The following UMAD1 variants were observed in gnomAD, a reference collection of about 807,000 sequenced individuals.
UMAD1 encodes UBAP1-MVB12-associated (UMA) domain containing 1.
UMAD1 carries 8 observed loss-of-function variants against 6.1 expected under a neutral mutation model. The ratio of observed to expected loss-of-function variants is 1.30; its 90% confidence interval spans 0.76 to 2.35. UMAD1 has a LOEUF of 2.35. UMAD1 is among the 30% of genes most tolerant of loss of function. The probability of loss-of-function intolerance (pLI) is 0.00; values close to 1 mark genes in which losing one functional copy is unlikely to be tolerated. For missense variants in UMAD1, 130 were observed against 78.4 expected, an observed-to-expected ratio of 1.66 and a Z score of -2.49; for synonymous variants, 56 against 31.4, an observed-to-expected ratio of 1.78 and a Z score of -2.61.
chr7:7,756,155 A>G (rs879821858), intron 2 of UMAD1, among the ~76,000 whole-genome samples: 8 of 152,170 alleles, frequency 5.3e-5, no homozygotes, highest in Non-Finnish European at 1.2e-4. Flanking sequence ...CAAAGGGTAA[A>G]GACGGTTGTT....
chr7:7,755,155 A>G (rs1314008993), intron 2 of UMAD1, among the ~76,000 whole-genome samples: 6 of 152,128 alleles, frequency 3.9e-5, no homozygotes, highest in African/African-American at 9.7e-5. Context: ...TAATATGGGG[A>G]TTAGACACAA....
intron 2 of UMAD1, among the ~76,000 whole-genome samples, chr7:7,748,288 T>C (rs1189957627): frequency 6.6e-6 from 1 of 152,066 alleles, no homozygotes; most frequent in Non-Finnish European, 1.5e-5. Context: ...TATTTACTTT[T>C]TGTTATGTAA....
intron 3 of UMAD1, among the ~76,000 whole-genome samples, chr7:7,842,547 T>C (rs1157078994): frequency 2.0e-5 from 3 of 152,082 alleles, no homozygotes; most frequent in Non-Finnish European, 1.5e-5. Context: ...CTGTATTTTC[T>C]GATAACCTGT....
At chr7:7,845,262 C>A (rs1783761618) in intron 3 of UMAD1, among the ~76,000 whole-genome samples, 1 of 152,012 alleles carries the variant, frequency 6.6e-6, no homozygotes, top group Non-Finnish European at 1.5e-5. Flanking sequence ...TTAATTTTAG[C>A]TATTTCCTTT....
At chr7:7,802,547 A>G (rs1009725024) in intron 3 of UMAD1, among the ~76,000 whole-genome samples, 1 of 152,256 alleles carries the variant, frequency 6.6e-6, no homozygotes, top group African/African-American at 2.4e-5. Flanking sequence ...GATACTTTTG[A>G]AAACTATATA....
Position 7,877,529 on chromosome 7 carries a change from T to A in UMAD1, c.405T>A (p.Cys135Ter). The A allele has an allele frequency of 1.4e-6, 1 of 717,344 alleles. No individual in the cohort carries two copies. The highest frequency in any genetic ancestry group is 2.6e-6 in the Non-Finnish European group (1 of 385,082). 44.4% of individuals were successfully genotyped at this position (717,344 alleles called of 1,614,324 possible). ...YDFTLENSVL[C>*]DS ...TCACTCTTGAAAATTCAGTGCTCTG[T>A]GATTCATAACCTTTATGTCTGTTTG... Residue 135 changes from cysteine (C) to a stop codon, truncating the protein, a stop_gained, in exon 4 of 4, where the codon TGT becomes TGA. Transcript: ENST00000682710. LOFTEE classifies it high-confidence loss of function.
intron 2 of UMAD1, among the ~76,000 whole-genome samples, chr7:7,705,541 T>C (rs1357028810): frequency 6.6e-6 from 1 of 152,228 alleles, no homozygotes; most frequent in East Asian, 1.9e-4. Flanking sequence ...ATCATCTGGC[T>C]CTAAGTACTA....
chr7:7,643,963 C>A (rs958237716), intron 1 of UMAD1, among the ~76,000 whole-genome samples: 1 of 152,078 alleles, frequency 6.6e-6, no homozygotes, highest in South Asian at 2.1e-4. Flanking sequence ...GCTACTGACC[C>A]GTGAGGATAG....
At chr7:7,705,823 A>G (rs1780585127) in intron 2 of UMAD1, among the ~76,000 whole-genome samples, 1 of 152,182 alleles carries the variant, frequency 6.6e-6, no homozygotes, top group Non-Finnish European at 1.5e-5. Context: ...GTGTATGTTC[A>G]TCAATTGTAA....
At chr7:7,712,040 C>G (rs1409732757) in intron 2 of UMAD1, among the ~76,000 whole-genome samples, 1 of 152,048 alleles carries the variant, frequency 6.6e-6, no homozygotes, top group Admixed American at 6.5e-5. Context: ...TCCAAGCTTA[C>G]TCTTACATAT....
chr7:7,669,077 G>C (rs1357696293), intron 1 of UMAD1, among the ~76,000 whole-genome samples: 1 of 92,070 alleles, frequency 1.1e-5, no homozygotes, highest in East Asian at 4.8e-4. Context: ...CCCCAGCTGG[G>C]AATCAAGTTT....
At chr7:7,789,528 T>C (rs925885713) in intron 2 of UMAD1, among the ~76,000 whole-genome samples, 2 of 152,154 alleles carry the variant, frequency 1.3e-5, no homozygotes, top group Non-Finnish European at 2.9e-5. Context: ...GAGTATATAG[T>C]TTATTTGTGG....
At chr7:7,644,260 T>C (rs1317770063) in intron 1 of UMAD1, among the ~76,000 whole-genome samples, 1 of 152,140 alleles carries the variant, frequency 6.6e-6, no homozygotes, top group Non-Finnish European at 1.5e-5. Context: ...TTTTTCTTAC[T>C]GACTTTTAAG....
chr7:7,810,714 A>G (rs897212683), intron 3 of UMAD1, among the ~76,000 whole-genome samples: 2 of 152,188 alleles, frequency 1.3e-5, no homozygotes, highest in African/African-American at 2.4e-5. Context: ...AAATGATAGT[A>G]ATGTTGGTGA....
At chr7:7,851,279 A>G (rs925419992) in intron 3 of UMAD1, among the ~76,000 whole-genome samples, 2 of 152,186 alleles carry the variant, frequency 1.3e-5, no homozygotes, top group South Asian at 2.1e-4. Context: ...TTGCGTGGCT[A>G]TACCACATTT....
intron 2 of UMAD1, among the ~76,000 whole-genome samples, chr7:7,693,803 T>G (rs561653501): frequency 6.6e-6 from 1 of 152,212 alleles, no homozygotes; most frequent in Non-Finnish European, 1.5e-5. Context: ...TTTAAACTTA[T>G]AAACTCTAAT....
chr7:7,811,594 C>T (rs1421892285), intron 3 of UMAD1, among the ~76,000 whole-genome samples: 1 of 152,166 alleles, frequency 6.6e-6, no homozygotes, highest in Non-Finnish European at 1.5e-5. Flanking sequence ...TGAGCGCCCT[C>T]CCTGCCCAGA....
chr7:7,775,453 A>G (rs191888984), intron 2 of UMAD1, among the ~76,000 whole-genome samples: 1 of 152,196 alleles, frequency 6.6e-6, no homozygotes, highest in African/African-American at 2.4e-5. Flanking sequence ...GCTGTCTCTC[A>G]TTCTCTTTCC....
intron 2 of UMAD1, among the ~76,000 whole-genome samples, chr7:7,698,989 G>A (rs1780386384): frequency 6.6e-6 from 1 of 151,208 alleles, no homozygotes; most frequent in Non-Finnish European, 1.5e-5. Flanking sequence ...CAAGTATCTG[G>A]GACTACAGGA....
Sources: gnomAD v4.1 joint callset for allele counts (sites outside exome capture counted in the v4.1 genomes callset) on GRCh38, gnomAD v4.1.1 for gene constraint, MANE v1.5 for transcripts, NCBI Gene and HGNC (gene_info 2026-07-23, HGNC 2026-07-21) for gene names.